Variants in HMCN1 observed in about 807,000 individuals in gnomAD.
HMCN1 encodes hemicentin 1.
In HMCN1, 321 loss-of-function variants were observed where a neutral mutation model predicts 625.9. That is an observed-to-expected ratio of 0.51 (90% CI 0.47 to 0.56). The LOEUF (loss-of-function observed/expected upper bound fraction) is 0.56, where lower values mean the gene tolerates loss of function less well. Ranked by LOEUF, HMCN1 falls within the 20% of genes least tolerant of loss-of-function variation. HMCN1 has a pLI of 0.00. For missense variants in HMCN1, 6,588 were observed against 6,887.3 expected (o/e 0.96, Z 1.54); for synonymous variants, 2,425 against 2,417.6 (o/e 1.00, Z -0.09).
At chr1:185,754,095 A>G (rs1040171227) in intron 1 of HMCN1, among the ~76,000 whole-genome samples, 2 of 152,214 alleles carry the variant, frequency 1.3e-5, no homozygotes, top group Non-Finnish European at 2.9e-5. Context: ...CTTAAAAAGA[A>G]AGGAAATTTT....
chr1:186,154,684 A>AATTTCTATATTTT (rs1431486759), intron 97 of HMCN1, among the ~76,000 whole-genome samples: 2 of 152,224 alleles, frequency 1.3e-5, no homozygotes, highest in Admixed American at 6.5e-5. Flanking sequence ...AGTCAAAAAG[A>AATTTCTATATTTT]ATTTCTATAT....
intron 36 of HMCN1, 85 bp downstream of exon 36, chr1:186,023,238 A>G: frequency 1.6e-6 from 2 of 1,243,058 alleles, no homozygotes; most frequent in South Asian, 1.2e-5. Flanking sequence ...GAATTACAGT[A>G]TAAAAGAAAC....
At chr1:185,989,874 C>T (rs1006499225) in intron 21 of HMCN1, among the ~76,000 whole-genome samples, 3 of 149,394 alleles carry the variant, frequency 2.0e-5, no homozygotes, top group Admixed American at 6.8e-5. Flanking sequence ...TATAGTCTTT[C>T]GGAAAAATTT....
chr1:186,075,299 G>A (rs919380534), intron 53 of HMCN1, among the ~76,000 whole-genome samples: 1 of 151,880 alleles, frequency 6.6e-6, no homozygotes, highest in Admixed American at 6.6e-5. Flanking sequence ...GAAATAATGT[G>A]TACACCAAAC....
At chr1:186,107,681 C>G (rs1447347746) in intron 70 of HMCN1, among the ~76,000 whole-genome samples, 1 of 151,990 alleles carries the variant, frequency 6.6e-6, no homozygotes, top group Admixed American at 6.6e-5. Context: ...TATAAACAGC[C>G]CTGCTATGGA....
intron 1 of HMCN1, among the ~76,000 whole-genome samples, chr1:185,825,967 A>C (rs573054069): frequency 1.3e-5 from 2 of 152,346 alleles, no homozygotes; most frequent in African/African-American, 4.8e-5. Flanking sequence ...ATAAAAACTA[A>C]ATATTTAAAA....
chr1:186,045,452 C>T (rs1228808416), intron 40 of HMCN1, among the ~76,000 whole-genome samples: 1 of 152,032 alleles, frequency 6.6e-6, no homozygotes, highest in Non-Finnish European at 1.5e-5. Flanking sequence ...ATGAGAACTT[C>T]CCGTTCTAAA....
intron 42 of HMCN1, among the ~76,000 whole-genome samples, chr1:186,051,908 A>G (rs1656977080): frequency 6.6e-6 from 1 of 151,932 alleles, no homozygotes. Flanking sequence ...AGAGGCCTAA[A>G]CTTATAAACT....
At chr1:185,950,287 A>C (rs1668579206) in intron 11 of HMCN1, among the ~76,000 whole-genome samples, 1 of 151,792 alleles carries the variant, frequency 6.6e-6, no homozygotes, top group South Asian at 2.1e-4. Context: ...GGAAGAAAAT[A>C]GATTTTGGAA....
chr1:186,185,251 T>G (rs775530443), intron 105 of HMCN1, among the ~76,000 whole-genome samples: 3 of 152,210 alleles, frequency 2.0e-5, no homozygotes, highest in Non-Finnish European at 4.4e-5. Flanking sequence ...ACTGGCTTCA[T>G]GTTTCTGCAA....
intron 1 of HMCN1, among the ~76,000 whole-genome samples, chr1:185,741,182 C>T (rs1434509886): frequency 2.6e-5 from 4 of 152,050 alleles, no homozygotes; most frequent in Non-Finnish European, 5.9e-5. Context: ...TTGAACTTTC[C>T]AGTCACCAGA....
chr1:185,924,215 CTTTTTTTT>C (rs58164381), intron 8 of HMCN1, among the ~76,000 whole-genome samples: 5 of 43,644 alleles, frequency 1.1e-4, no homozygotes, highest in South Asian at 1.1e-3. Context: ...CTGACCCAAT[CTTTTTTTT>C]TTTTTTTTTT....
chr1:185,894,352 T>C (rs1433489682), intron 4 of HMCN1, among the ~76,000 whole-genome samples: 1 of 152,178 alleles, frequency 6.6e-6, no homozygotes, highest in Non-Finnish European at 1.5e-5. Context: ...ATGTATAGTA[T>C]TCTATTTTAT....
chr1:186,085,346 C>A (rs1451393479), intron 57 of HMCN1, among the ~76,000 whole-genome samples: 1 of 152,100 alleles, frequency 6.6e-6, no homozygotes, highest in Non-Finnish European at 1.5e-5. Flanking sequence ...GGTTTGGTGT[C>A]TGGAGAAGGC....
chr1:186,043,473 A>G (rs1656346479), intron 40 of HMCN1, among the ~76,000 whole-genome samples: 1 of 152,120 alleles, frequency 6.6e-6, no homozygotes, highest in African/African-American at 2.4e-5. Context: ...TTCCTTTTGA[A>G]CTTGATTCAA....
chr1:186,076,753 A>T (rs1185611674), intron 54 of HMCN1, 131 bp downstream of exon 54: 1 of 817,878 alleles, frequency 1.2e-6, no homozygotes, highest in Non-Finnish European at 2.0e-6. Context: ...GCTGAATGCC[A>T]CTGGCATCCA....
At chr1:185,819,340 G>A (rs1660046817) in intron 1 of HMCN1, among the ~76,000 whole-genome samples, 1 of 151,926 alleles carries the variant, frequency 6.6e-6, no homozygotes, top group Non-Finnish European at 1.5e-5. Context: ...ACCATTGTAG[G>A]CATTTTCTTG....
intron 4 of HMCN1, among the ~76,000 whole-genome samples, chr1:185,881,338 C>T (rs1198911207): frequency 6.6e-6 from 1 of 152,172 alleles, no homozygotes; most frequent in South Asian, 2.1e-4. Context: ...AGTAGGAAGG[C>T]AATCTTCCCC....
intron 1 of HMCN1, among the ~76,000 whole-genome samples, chr1:185,838,913 A>C (rs746718147): frequency 1.3e-5 from 2 of 152,248 alleles, no homozygotes; most frequent in Admixed American, 1.3e-4. Context: ...GAATACACAT[A>C]TTATATACAC....
Sources: gnomAD v4.1 joint callset for allele counts (sites outside exome capture counted in the v4.1 genomes callset) on GRCh38, gnomAD v4.1.1 for gene constraint, MANE v1.5 for transcripts, NCBI Gene and HGNC (gene_info 2026-07-23, HGNC 2026-07-21) for gene names.